The following SMS variants were observed in gnomAD, a reference collection of about 807,000 sequenced individuals.
The protein encoded by SMS is spermidine aminopropyltransferase.
SMS carries 3 observed loss-of-function variants against 33.0 expected under a neutral mutation model. The ratio of observed to expected loss-of-function variants is 0.09; its 90% CI spans 0.04 to 0.23. The LOEUF (loss-of-function observed/expected upper bound fraction) is 0.23, where lower values mean the gene tolerates loss of function less well. SMS is among the 10% of genes least tolerant of loss of function. The probability of loss-of-function intolerance (pLI) is 1.00; values close to 1 mark genes in which losing one functional copy is unlikely to be tolerated. For missense variants in SMS, 117 were observed against 288.6 expected, an observed-to-expected ratio of 0.41 and a Z score of 4.31; for synonymous variants, 103 against 112.2, an observed-to-expected ratio of 0.92 and a Z score of 0.52.
intron 1 of SMS, among the ~76,000 whole-genome samples, chrX:21,965,174 CCTTAA>C (rs1260143809): frequency 1.8e-5 from 2 of 111,862 alleles, no homozygotes; most frequent in African/African-American, 6.5e-5. Flanking sequence ...ATCTCAAGAT[CCTTAA>C]CTTAATTACA....
intron 2 of SMS, among the ~76,000 whole-genome samples, chrX:21,968,623 T>A (rs760983636): frequency 1.8e-5 from 2 of 112,212 alleles, no homozygotes; most frequent in Non-Finnish European, 3.8e-5. Flanking sequence ...GATGATCAGC[T>A]ACCGCAGACC....
intron 1 of SMS, among the ~76,000 whole-genome samples, chrX:21,965,512 C>T (rs956793879): frequency 1.0e-4 from 10 of 100,320 alleles, no homozygotes; most frequent in South Asian, 9.8e-4. Context: ...GGGCCGGGCG[C>T]GGCGGATCAC....
At chrX:21,950,452 T>G (rs1206783367) in intron 1 of SMS, among the ~76,000 whole-genome samples, 4 of 102,607 alleles carry the variant, frequency 3.9e-5, no homozygotes, top group African/African-American at 1.1e-4. Flanking sequence ...TTTTTTTTTT[T>G]TTAATTTGAG....
At position 21,950,953 on chromosome X, in the gene SMS, A is replaced by G. The variant is rs1021821489; in HGVS notation, c.49+10080A>G. 6.2e-5 allele frequency among the ~76,000 whole-genome samples: 7 copies of G among 112,186 alleles called. No homozygotes were observed. The East Asian group carries it at 2.0e-3, about 31-fold the overall frequency. ...TAGAATGATTTATAATCTTTTGGGTATATACCCAGTAATGGGATTGCTGGG... is the reference window on the plus strand; with the variant it reads ...TAGAATGATTTATAATCTTTTGGGTGTATACCCAGTAATGGGATTGCTGGG... On this transcript the variant is annotated intron_variant, in intron 1 of 10. Coordinates refer to ENST00000404933, the MANE Select transcript of SMS (RefSeq NM_004595.5).
At chrX:21,967,065 T>G in intron 1 of SMS, 131 bp from the exon 2 acceptor site, 1 of 270,644 alleles carries the variant, frequency 3.7e-6, no homozygotes, top group East Asian at 1.1e-4. Context: ...TTTTTATTTA[T>G]TTATTTATTT....
chrX:21,962,149 G>T (rs1224005993), intron 1 of SMS, among the ~76,000 whole-genome samples: 1 of 111,792 alleles, frequency 8.9e-6, no homozygotes, highest in Non-Finnish European at 1.9e-5. Context: ...TTATTGACAA[G>T]CAAGGGCATT....
In SMS at chrX:21,978,467, C is replaced by T. The variant is rs1266498935; in HGVS notation, c.660+353C>T. 3.6e-5 allele frequency among the ~76,000 whole-genome samples: 4 copies of T among 111,302 alleles called. No homozygotes were observed. The East Asian group carries it at 1.1e-3, about 32-fold the overall frequency. On this transcript the variant is annotated intron_variant, in intron 6 of 10. Coordinates refer to ENST00000404933, the MANE Select transcript of SMS (RefSeq NM_004595.5). ...GCGGGCACCTGTAATCCCAGCTACTCGGGAGGCTGAGACAGGAGAATTGCT... is the reference window on the plus strand; with the variant it reads ...GCGGGCACCTGTAATCCCAGCTACTTGGGAGGCTGAGACAGGAGAATTGCT...
chrX:21,960,655 G>A (rs1272650933), intron 1 of SMS, among the ~76,000 whole-genome samples: 6 of 112,071 alleles, frequency 5.4e-5, no homozygotes, highest in Non-Finnish European at 1.1e-4. Context: ...ACATGACCTT[G>A]ACCATGAGAG....
At chrX:21,977,027 A>G in intron 4 of SMS, 34 bp from the exon 5 acceptor site, 1 of 1,176,886 alleles carries the variant, frequency 8.5e-7, no homozygotes, top group East Asian at 3.0e-5. Context: ...GCAGTGTTCT[A>G]GTAAGGTACA....
chrX:21,984,217 G>A (rs1475681753), intron 7 of SMS, 87 bp from the exon 8 acceptor site: 16 of 643,785 alleles, frequency 2.5e-5, no homozygotes, highest in Non-Finnish European at 3.9e-5. Context: ...CATACTTGGC[G>A]CTTTTTTCCT....
At chrX:21,961,852 T>C (rs1923378889) in intron 1 of SMS, among the ~76,000 whole-genome samples, 1 of 112,173 alleles carries the variant, frequency 8.9e-6, no homozygotes, top group Non-Finnish European at 1.9e-5. Context: ...AGCCTGGCCA[T>C]TGAAGTGAAT....
At chrX:21,945,633 G>A (rs1212138042) in intron 1 of SMS, among the ~76,000 whole-genome samples, 7 of 49,713 alleles carry the variant, frequency 1.4e-4, no homozygotes, top group African/African-American at 6.0e-4. Flanking sequence ...TTTGCTTCCC[G>A]TCCCCCCCCC....
chrX:21,946,844 A>G (rs1471861109), intron 1 of SMS, among the ~76,000 whole-genome samples: 1 of 112,153 alleles, frequency 8.9e-6, no homozygotes, highest in African/African-American at 3.2e-5. Flanking sequence ...ATCATCAGCA[A>G]AATTTCCCTG....
At chrX:21,945,601 C>T (rs930136661) in intron 1 of SMS, among the ~76,000 whole-genome samples, 2 of 107,116 alleles carry the variant, frequency 1.9e-5, no homozygotes, top group East Asian at 3.0e-4. Context: ...AAACCCCCAC[C>T]GTGTGGTATG....
At chrX:21,976,971 A>T (rs935776836) in intron 4 of SMS, 90 bp from the exon 5 acceptor site, 1 of 897,070 alleles carries the variant, frequency 1.1e-6, no homozygotes, top group East Asian at 3.1e-5. Context: ...GTCGGCAGTC[A>T]TGTGGCTTTC....
chrX:21,960,032 C>T, intron 1 of SMS: 1 of 425,728 alleles, frequency 2.3e-6, no homozygotes, highest in Non-Finnish European at 2.8e-6. Flanking sequence ...TCTGTGTGTA[C>T]ATCCGTGTGT....
intron 1 of SMS, among the ~76,000 whole-genome samples, chrX:21,949,576 T>C (rs1266803535): frequency 8.9e-6 from 1 of 112,380 alleles, no homozygotes; most frequent in Non-Finnish European, 1.9e-5. Context: ...ATTTAAGATA[T>C]CAATTACTTG....
intron 2 of SMS, among the ~76,000 whole-genome samples, chrX:21,968,933 T>C (rs1017152086): frequency 1.8e-5 from 2 of 111,683 alleles, no homozygotes; most frequent in Non-Finnish European, 3.8e-5. Context: ...AAAATTAAAA[T>C]AAATAAAAAT....
chrX:21,964,435 C>T (rs1340553501), intron 1 of SMS, among the ~76,000 whole-genome samples: 1 of 111,451 alleles, frequency 9.0e-6, no homozygotes, highest in African/African-American at 3.3e-5. Context: ...GTTTCAGCTG[C>T]ATCCTCACTT....
Sources: allele counts gnomAD v4.1 joint callset (sites outside exome capture counted in the v4.1 genomes callset), GRCh38; gene constraint gnomAD v4.1.1; transcripts MANE v1.5; gene names NCBI Gene and HGNC (gene_info 2026-07-23, HGNC 2026-07-21).